PPP1R9A: variants seen among roughly 807,000 people sequenced by gnomAD.
The protein encoded by PPP1R9A is protein phosphatase 1 regulatory subunit 9A.
In PPP1R9A, 59 loss-of-function variants were observed where a neutral mutation model predicts 141.9. The observed-to-expected ratio is 0.42, with a 90% CI of 0.34 to 0.52. PPP1R9A has a LOEUF of 0.52. Ranked by LOEUF, PPP1R9A falls within the 20% of genes least tolerant of loss-of-function variation. The probability of loss-of-function intolerance (pLI) is 0.10; values close to 1 mark genes in which losing one functional copy is unlikely to be tolerated. For missense variants in PPP1R9A, 1,444 were observed against 1,611.9 expected (o/e 0.90, Z 1.78); for synonymous variants, 500 against 569.7 (o/e 0.88, Z 1.74).
intron 4 of PPP1R9A, among the ~76,000 whole-genome samples, chr7:95,129,442 G>C (rs1414278948): frequency 1.3e-5 from 2 of 152,144 alleles, no homozygotes; most frequent in Non-Finnish European, 2.9e-5. Context: ...GGAACTATAA[G>C]TCCAATAAAC....
chr7:95,082,766 CTTTTTTTTT>C (rs1159814204), intron 2 of PPP1R9A, among the ~76,000 whole-genome samples: 1 of 109,518 alleles, frequency 9.1e-6, no homozygotes. Flanking sequence ...GAAGGGATTT[CTTTTTTTTT>C]TTTTTTTTTT....
intron 2 of PPP1R9A, among the ~76,000 whole-genome samples, chr7:94,974,913 T>C (rs1799261204): frequency 6.6e-6 from 1 of 152,190 alleles, no homozygotes; most frequent in Non-Finnish European, 1.5e-5. Flanking sequence ...AAATTGATTG[T>C]AGTTTTAAGA....
At chr7:95,282,445 G>A (rs1770353288) in intron 16 of PPP1R9A, among the ~76,000 whole-genome samples, 1 of 152,172 alleles carries the variant, frequency 6.6e-6, no homozygotes, top group South Asian at 2.1e-4. Flanking sequence ...GTGGAAGAGG[G>A]GGATGAGACC....
chr7:95,016,175 A>C (rs1584283672), intron 2 of PPP1R9A, among the ~76,000 whole-genome samples: 2 of 152,170 alleles, frequency 1.3e-5, no homozygotes, highest in Non-Finnish European at 2.9e-5. Context: ...TGGAATAATG[A>C]CTTAAATGAC....
At chr7:94,985,048 G>A (rs1319428712) in intron 2 of PPP1R9A, among the ~76,000 whole-genome samples, 1 of 152,086 alleles carries the variant, frequency 6.6e-6, no homozygotes, top group Non-Finnish European at 1.5e-5. Flanking sequence ...GTTCTCATTG[G>A]TTTCAAAGTA....
intron 3 of PPP1R9A, 56 bp downstream of exon 3, chr7:95,111,447 T>C: frequency 6.8e-7 from 1 of 1,470,990 alleles, no homozygotes; most frequent in East Asian, 2.3e-5. Flanking sequence ...TAATACAGAA[T>C]TATTTTTCCA....
At chr7:95,261,406 C>T (rs1366032529) in intron 12 of PPP1R9A, among the ~76,000 whole-genome samples, 1 of 152,086 alleles carries the variant, frequency 6.6e-6, no homozygotes, top group African/African-American at 2.4e-5. Context: ...TAATACTATA[C>T]AGTAATCATG....
intron 2 of PPP1R9A, among the ~76,000 whole-genome samples, chr7:94,966,457 C>T (rs1798228687): frequency 6.6e-6 from 1 of 152,150 alleles, no homozygotes; most frequent in Non-Finnish European, 1.5e-5. Flanking sequence ...GTGGGTTTGT[C>T]ATAAAAAACT....
At chr7:94,969,676 G>A (rs974313937) in intron 2 of PPP1R9A, among the ~76,000 whole-genome samples, 2 of 152,164 alleles carry the variant, frequency 1.3e-5, no homozygotes, top group African/African-American at 4.8e-5. Flanking sequence ...TAAGCACTGT[G>A]CTGGGAGACT....
At chr7:95,271,565 A>G (rs1311558458) in intron 14 of PPP1R9A, among the ~76,000 whole-genome samples, 2 of 152,206 alleles carry the variant, frequency 1.3e-5, no homozygotes, top group African/African-American at 4.8e-5. Context: ...AGCGCAAGAG[A>G]GAGGTCAGGA....
chr7:95,200,120 G>C (rs1017704795), intron 6 of PPP1R9A, among the ~76,000 whole-genome samples: 1 of 151,788 alleles, frequency 6.6e-6, no homozygotes, highest in African/African-American at 2.4e-5. Context: ...AAGACATCAA[G>C]TCTAACAAGC....
At chr7:94,983,011 G>A (rs1007653698) in intron 2 of PPP1R9A, among the ~76,000 whole-genome samples, 1 of 152,088 alleles carries the variant, frequency 6.6e-6, no homozygotes, top group Non-Finnish European at 1.5e-5. Flanking sequence ...TATAAGGAAA[G>A]GATCCAGTTT....
chr7:95,125,387 T>C (rs2152502254), intron 4 of PPP1R9A, among the ~76,000 whole-genome samples: 1 of 152,310 alleles, frequency 6.6e-6, no homozygotes, highest in Non-Finnish European at 1.5e-5. Context: ...AATGATATGA[T>C]AGCCATTTCT....
chr7:95,251,344 T>C (rs1357526718), intron 10 of PPP1R9A, among the ~76,000 whole-genome samples: 3 of 152,210 alleles, frequency 2.0e-5, no homozygotes, highest in Non-Finnish European at 4.4e-5. Context: ...CTGTTATTCA[T>C]AGAAATCTTA....
chr7:95,045,141 A>G (rs1809815658), intron 2 of PPP1R9A, among the ~76,000 whole-genome samples: 1 of 152,274 alleles, frequency 6.6e-6, no homozygotes, highest in Admixed American at 6.5e-5. Context: ...GCAAAGCTAT[A>G]CGAATCTATG....
chr7:95,032,425 T>A (rs1807821014), intron 2 of PPP1R9A, among the ~76,000 whole-genome samples: 1 of 152,140 alleles, frequency 6.6e-6, no homozygotes. Context: ...TCAGGAAGAT[T>A]TACTCATCAA....
chr7:95,286,911 C>A (rs1355743950), intron 18 of PPP1R9A, among the ~76,000 whole-genome samples: 3 of 152,000 alleles, frequency 2.0e-5, no homozygotes, highest in African/African-American at 7.3e-5. Context: ...GATATTTTTG[C>A]TCTAAATATT....
At chr7:95,214,730 G>C (rs1308562932) in intron 7 of PPP1R9A, among the ~76,000 whole-genome samples, 1 of 152,002 alleles carries the variant, frequency 6.6e-6, no homozygotes, top group Non-Finnish European at 1.5e-5. Flanking sequence ...TAAAAGGAAG[G>C]GGATAAAAAC....
intron 2 of PPP1R9A, among the ~76,000 whole-genome samples, chr7:95,104,979 C>T (rs1819308630): frequency 2.5e-5 from 1 of 39,582 alleles, no homozygotes; most frequent in South Asian, 3.7e-4. Flanking sequence ...GCACACTTTG[C>T]TAGCCATCAT....
Sources: gnomAD v4.1 joint callset for allele counts (sites outside exome capture counted in the v4.1 genomes callset) on GRCh38, gnomAD v4.1.1 for gene constraint, MANE v1.5 for transcripts, NCBI Gene and HGNC (gene_info 2026-07-23, HGNC 2026-07-21) for gene names.